The following MICAL3 variants were observed in gnomAD, a reference collection of about 807,000 sequenced individuals.
The protein encoded by MICAL3 is [F-actin]-monooxygenase MICAL3.
In MICAL3, 62 loss-of-function variants were observed where a neutral mutation model predicts 207.4. The observed-to-expected ratio is 0.30, with a 90% confidence interval of 0.24 to 0.37. MICAL3 has a LOEUF of 0.37. Among genes scored for constraint, MICAL3 ranks in the 10% least tolerant of loss-of-function variants. The pLI is 1.00. For synonymous variants in MICAL3, 1,077 were observed against 1,069.3 expected (o/e 1.01, Z -0.14); for missense variants, 2,368 against 2,635.6 (o/e 0.90, Z 2.22).
intron 15 of MICAL3, 128 bp from the exon 16 acceptor site, chr22:17,886,179 G>A (rs1019004510): frequency 2.0e-5 from 19 of 956,756 alleles, no homozygotes; most frequent in Middle Eastern, 3.3e-4. Flanking sequence ...CAAGGTTCCC[G>A]TGTCCACACA....
chr22:18,016,768 G>A (rs1353410528), intron 1 of MICAL3, among the ~76,000 whole-genome samples: 3 of 151,920 alleles, frequency 2.0e-5, no homozygotes, highest in South Asian at 2.1e-4. Context: ...GTGAAACCCC[G>A]TCTCTACTAA....
chr22:17,849,646 G>GTA (rs1265406770), intron 19 of MICAL3, among the ~76,000 whole-genome samples: 9 of 10,554 alleles, frequency 8.5e-4, no homozygotes, highest in Admixed American at 7.7e-3. Context: ...AGAATGGAAT[G>GTA]TGTGTGTGTG....
chr22:17,820,912 A>ATAAACATAAATTTTAATAAATTTATG lies in MICAL3; in HGVS notation c.3531+514_3531+515insCATAAATTTATTAAAATTTATGTTTA, dbSNP rs1569079892. ...TAAACATAAATTTTAATAAATTTAT[A>ATAAACATAAATTTTAATAAATTTATG]TTTATAAACATAAATTTTAATAAAT... is the stretch of plus-strand genomic sequence containing the variant. On this transcript the variant is annotated intron_variant, in intron 25 of 31. Coordinates refer to ENST00000441493, the MANE Select transcript of MICAL3 (RefSeq NM_015241.3). Among the ~76,000 whole-genome samples the ATAAACATAAATTTTAATAAATTTATG allele has an allele frequency of 2.5e-3, 208 of 82,894 alleles. 3 individuals carry two copies. Among genetic ancestry groups the ATAAACATAAATTTTAATAAATTTATG allele is most frequent in the Non-Finnish European group, 3.7e-3 (126 of 34,350 alleles). 54.4% of individuals were successfully genotyped at this position (82,894 alleles called of 152,430 possible).
At chr22:17,988,904 G>A (rs1237748312) in intron 1 of MICAL3, among the ~76,000 whole-genome samples, 1 of 152,212 alleles carries the variant, frequency 6.6e-6, no homozygotes, top group East Asian at 1.9e-4. Context: ...TGTGCTCTCT[G>A]TGGCTGCCTT....
rs570417243 is a variant in MICAL3, at chr22:17,810,844, A to G, written c.5446-31T>C. On this transcript the variant is annotated intron_variant, in intron 27 of 31. Transcript: ENST00000441493. ...GAGAACAAGAGAAACTTCCTCAGTC[A>G]GGTGCACGGAGGCCTGGGACAGGGG... 45 of 1,561,556 alleles carry G rather than the reference A, an allele frequency of 2.9e-5. No homozygotes were observed. In the South Asian group the frequency reaches 3.3e-4, roughly 12 times the overall value.
chr22:17,937,152 G>GC (rs1914830107), intron 1 of MICAL3, among the ~76,000 whole-genome samples: 1 of 152,202 alleles, frequency 6.6e-6, no homozygotes. Context: ...CGCACAGCAA[G>GC]CTACCAATGG....
At chr22:17,863,712 T>C in intron 19 of MICAL3, 1 of 985,392 alleles carries the variant, frequency 1.0e-6, no homozygotes, top group Non-Finnish European at 1.2e-6. Flanking sequence ...TCTGGGCGCA[T>C]CTTCCCTCTC....
chr22:17,989,891 C>G lies in MICAL3; in HGVS notation c.-75+34390G>C, dbSNP rs564256866. Among the ~76,000 whole-genome samples, 5 of 152,288 alleles carry G rather than the reference C, an allele frequency of 3.3e-5. No homozygotes were observed. The East Asian group carries it at 9.7e-4, about 29-fold the overall frequency. ...AGCATGCTTGTTTTCCCGAATCACA[C>G]CATCTATGCCTATTTCATCCCTTTT... On this transcript the variant is annotated intron_variant, in intron 1 of 31. Coordinates refer to ENST00000441493, the MANE Select transcript of MICAL3 (RefSeq NM_015241.3).
At chr22:17,978,639 G>C (rs993771066) in intron 1 of MICAL3, among the ~76,000 whole-genome samples, 2 of 151,588 alleles carry the variant, frequency 1.3e-5, no homozygotes. Context: ...TCAGGCTCCT[G>C]AGTAGAGTAG....
chr22:17,941,114 T>G (rs1253899835), intron 1 of MICAL3, among the ~76,000 whole-genome samples: 4 of 152,198 alleles, frequency 2.6e-5, no homozygotes, highest in African/African-American at 7.2e-5. Flanking sequence ...CAGCAGGTGC[T>G]TCATCCACAC....
chr22:17,891,127 C>T (rs188452505), intron 12 of MICAL3, among the ~76,000 whole-genome samples: 4 of 151,964 alleles, frequency 2.6e-5, no homozygotes, highest in Non-Finnish European at 5.9e-5. Flanking sequence ...GACAGCTGGC[C>T]GAAATGAAGA....
chr22:17,865,186 C>T (rs773637436), intron 18 of MICAL3, among the ~76,000 whole-genome samples, 200 bp from the exon 19 acceptor site: 10 of 152,016 alleles, frequency 6.6e-5, no homozygotes, highest in Admixed American at 5.9e-4. Context: ...TCATAGCTCA[C>T]TGCAGCCCCG....
intron 1 of MICAL3, among the ~76,000 whole-genome samples, chr22:17,966,992 C>G (rs432660): frequency 0.24 from 36,239 of 152,036 alleles, 4,907 homozygotes; most frequent in East Asian, 0.52. Context: ...AGGACTAAGT[C>G]AAATCTGTAA....
intron 1 of MICAL3, among the ~76,000 whole-genome samples, chr22:17,926,738 T>C (rs527530957): frequency 9.2e-5 from 14 of 152,356 alleles, no homozygotes; most frequent in African/African-American, 4.8e-5. Flanking sequence ...TGTACCATGC[T>C]AAGCATGGTG....
rs144870712 is a variant in MICAL3, at chr22:17,878,149, G to A, written c.2242-6126C>T. Among the ~76,000 whole-genome samples, 411 of 151,416 alleles carry A rather than the reference G, an allele frequency of 2.7e-3. 1 individual carries two copies. The highest frequency in any genetic ancestry group is 9.3e-3 in the African/African-American group (385 of 41,272). On this transcript the variant is annotated intron_variant, in intron 16 of 31. Coordinates refer to ENST00000441493, the MANE Select transcript of MICAL3 (RefSeq NM_015241.3). Reference sequence around the variant, plus strand: ...ATTACAGGCCTGAGCCACCGCACCCGGCCTTCCCCTCCCTTCTTCTTTTAG... The same window carrying A: ...ATTACAGGCCTGAGCCACCGCACCCAGCCTTCCCCTCCCTTCTTCTTTTAG...
chr22:17,807,325 T>C (rs754064099), intron 29 of MICAL3, among the ~76,000 whole-genome samples: 23 of 151,990 alleles, frequency 1.5e-4, no homozygotes, highest in Non-Finnish European at 2.8e-4. Context: ...CAAATCAGAG[T>C]GCGCAGAGCA....
chr22:17,818,746 C>A lies in MICAL3; in HGVS notation c.3915G>T (p.Lys1305Asn). ...PLPVQSQSDT[K>N]DRLGSPLAVD... Reference sequence around the variant, plus strand: ...CAGCAAGGGGGCTGCCCAGTCTGTCCTTGGTGTCACTTTGGCTTTGGACAG... The same window carrying A: ...CAGCAAGGGGGCTGCCCAGTCTGTCATTGGTGTCACTTTGGCTTTGGACAG... Residue 1305 changes from lysine (K) to asparagine (N), a missense_variant, in exon 26 of 32, where the codon AAG (lysine) becomes AAT (asparagine). By Grantham distance (94) the Lys-to-Asn change is moderately conservative. This residue lies in a region of MICAL3 where 1,770 missense variants were observed against 1,863.2 expected (regional missense o/e 0.95). Coordinates refer to ENST00000441493, the MANE Select transcript of MICAL3 (RefSeq NM_015241.3). 1 of 1,602,686 alleles carries A rather than the reference C, an allele frequency of 6.2e-7. No homozygotes were observed. The highest frequency in any genetic ancestry group is 1.1e-5 in the South Asian group (1 of 90,124).
intron 15 of MICAL3, among the ~76,000 whole-genome samples, 189 bp downstream of exon 15, chr22:17,886,981 C>A (rs1291546208): frequency 3.5e-5 from 2 of 56,516 alleles, no homozygotes; most frequent in South Asian, 7.2e-4. Flanking sequence ...GAGAAAGACT[C>A]TTGTCTCAAA....
chr22:17,907,857 A>C (rs74544322), intron 1 of MICAL3, among the ~76,000 whole-genome samples: 1,647 of 152,344 alleles, frequency 0.011, 28 homozygotes, highest in African/African-American at 0.037. Flanking sequence ...CGTAAGGTAC[A>C]GGGTTGGGAG....
Sources: allele counts gnomAD v4.1 joint callset (sites outside exome capture counted in the v4.1 genomes callset), GRCh38; gene constraint gnomAD v4.1.1; regional missense constraint gnomAD v4.1.1; transcripts MANE v1.5; gene names NCBI Gene and HGNC (gene_info 2026-07-23, HGNC 2026-07-21).